IL20RA: variants seen among roughly 807,000 people sequenced by gnomAD.
IL20RA encodes the protein interleukin-20 receptor subunit alpha.
A neutral mutation model predicts 36.5 loss-of-function variants in IL20RA; 29 were observed. The observed-to-expected ratio is 0.79, with a 90% CI of 0.59 to 1.08. The LOEUF (loss-of-function observed/expected upper bound fraction) is 1.08. Among genes scored for constraint, IL20RA ranks in the 50% least tolerant of loss-of-function variants. The pLI, the probability that IL20RA is intolerant of heterozygous loss-of-function variation, is 0.00. For missense variants in IL20RA, 652 were observed against 668.4 expected (o/e 0.98, Z 0.27); for synonymous variants, 279 against 267.1 (o/e 1.04, Z -0.43).
At chr6:137,004,037 T>C (rs1775175664) in intron 6 of IL20RA, among the ~76,000 whole-genome samples, 1 of 152,138 alleles carries the variant, frequency 6.6e-6, no homozygotes, top group Admixed American at 6.5e-5. Context: ...CTTGAACTTC[T>C]AGAAGGGCAG....
chr6:137,007,468 C>T (rs1431431821), intron 5 of IL20RA, among the ~76,000 whole-genome samples: 2 of 152,108 alleles, frequency 1.3e-5, no homozygotes, highest in Non-Finnish European at 2.9e-5. Context: ...GGGTGGAGGT[C>T]GTCGGCCTCT....
At chr6:137,022,742 G>C (rs1775946963) in intron 1 of IL20RA, among the ~76,000 whole-genome samples, 1 of 152,192 alleles carries the variant, frequency 6.6e-6, no homozygotes. Flanking sequence ...AGTCAGGTGG[G>C]CTCCTGATTC....
chr6:137,015,206 G>T (rs1057033210), intron 2 of IL20RA, among the ~76,000 whole-genome samples: 3 of 152,040 alleles, frequency 2.0e-5, no homozygotes, highest in Admixed American at 2.0e-4. Context: ...ATGATACACA[G>T]TTCCAAACAG....
chr6:137,004,917 C>T (rs974512659), intron 5 of IL20RA, among the ~76,000 whole-genome samples, 157 bp from the exon 6 acceptor site: 10 of 152,260 alleles, frequency 6.6e-5, no homozygotes, highest in Middle Eastern at 3.4e-3. Context: ...GAAGCTTAAG[C>T]TAAATGTTAT....
chr6:137,030,242 G>A (rs995742193), intron 1 of IL20RA, among the ~76,000 whole-genome samples: 2 of 151,692 alleles, frequency 1.3e-5, no homozygotes, highest in Non-Finnish European at 2.9e-5. Flanking sequence ...CACCATGACT[G>A]GCTAAGTTTT....
chr6:137,007,956 A>G (rs535877231), intron 5 of IL20RA, among the ~76,000 whole-genome samples: 26 of 152,282 alleles, frequency 1.7e-4, no homozygotes, highest in African/African-American at 2.2e-4. Flanking sequence ...ATTTCTATCA[A>G]TCAGAGTGGT....
intron 1 of IL20RA, among the ~76,000 whole-genome samples, chr6:137,028,625 G>GT (rs960609591): frequency 6.6e-6 from 1 of 152,008 alleles, no homozygotes; most frequent in Non-Finnish European, 1.5e-5. Flanking sequence ...GCTTAAACAT[G>GT]TTTTTTTAGT....
intron 2 of IL20RA, among the ~76,000 whole-genome samples, chr6:137,015,252 C>G (rs1438663059): frequency 6.6e-6 from 1 of 152,134 alleles, no homozygotes; most frequent in South Asian, 2.1e-4. Context: ...TATCACTTAG[C>G]TCTAACAGGT....
chr6:137,013,861 C>T (rs2115382101), intron 2 of IL20RA, among the ~76,000 whole-genome samples: 1 of 152,340 alleles, frequency 6.6e-6, no homozygotes, highest in African/African-American at 2.4e-5. Context: ...GTCCCTCTTT[C>T]ACATGCACAG....
intron 1 of IL20RA, among the ~76,000 whole-genome samples, chr6:137,038,366 G>A (rs1363250568): frequency 6.6e-6 from 1 of 151,460 alleles, no homozygotes; most frequent in Non-Finnish European, 1.5e-5. Flanking sequence ...ACCAAGCCTG[G>A]CTATTTTTTG....
At chr6:137,005,831 G>A (rs1469345120) in intron 5 of IL20RA, among the ~76,000 whole-genome samples, 1 of 152,114 alleles carries the variant, frequency 6.6e-6, no homozygotes, top group African/African-American at 2.4e-5. Context: ...CTTTGGGTGC[G>A]AACTGCAAAC....
chr6:137,010,457 C>T (rs370481414), intron 3 of IL20RA, among the ~76,000 whole-genome samples: 86 of 151,978 alleles, frequency 5.7e-4, no homozygotes, highest in Non-Finnish European at 1.1e-3. Context: ...AATATAAATA[C>T]CATTCTTAAC....
intron 2 of IL20RA, among the ~76,000 whole-genome samples, chr6:137,016,303 T>C (rs1182745512): frequency 6.6e-6 from 1 of 152,244 alleles, no homozygotes; most frequent in Non-Finnish European, 1.5e-5. Flanking sequence ...TAGATTTCCA[T>C]GCTCTCAGAT....
intron 1 of IL20RA, among the ~76,000 whole-genome samples, chr6:137,038,892 T>C (rs1776581165): frequency 6.6e-6 from 1 of 152,222 alleles, no homozygotes; most frequent in African/African-American, 2.4e-5. Flanking sequence ...TGAAAAATAC[T>C]ATGCCAAGCA....
chr6:137,008,827 G>T (rs1205133503), intron 4 of IL20RA, 84 bp from the exon 5 acceptor site: 1 of 573,086 alleles, frequency 1.7e-6, no homozygotes, highest in Non-Finnish European at 2.7e-6. Flanking sequence ...GGAAATAGAA[G>T]ACCAAGGCAC....
chr6:137,010,646 A>G (rs1280170485), intron 3 of IL20RA, among the ~76,000 whole-genome samples: 2 of 152,182 alleles, frequency 1.3e-5, no homozygotes, highest in East Asian at 1.9e-4. Context: ...AACATTTTAA[A>G]AGTAAATACC....
At chr6:137,018,537 T>TGTGC (rs1562235379) in intron 1 of IL20RA, among the ~76,000 whole-genome samples, 1 of 151,680 alleles carries the variant, frequency 6.6e-6, no homozygotes, top group African/African-American at 2.4e-5. Flanking sequence ...TGTGTGTGTG[T>TGTGC]GTGTGTGTGT....
chr6:137,030,070 G>GTGTTTT (rs1776221747), intron 1 of IL20RA, among the ~76,000 whole-genome samples: 1 of 62,804 alleles, frequency 1.6e-5, no homozygotes. Context: ...CGGTTTGCGG[G>GTGTTTT]TTTTTTTTTT....
chr6:137,044,082 G>A, intron 1 of IL20RA: 1 of 984,000 alleles, frequency 1.0e-6, no homozygotes. Flanking sequence ...CCAGGACAGG[G>A]GGAGCTTACT....
Sources: gnomAD v4.1 joint callset for allele counts (sites outside exome capture counted in the v4.1 genomes callset) on GRCh38, gnomAD v4.1.1 for gene constraint, MANE v1.5 for transcripts, NCBI Gene and HGNC (gene_info 2026-07-23, HGNC 2026-07-21) for gene names.